The following NLGN4Y variants were observed in gnomAD, a reference collection of about 807,000 sequenced individuals.
The protein encoded by NLGN4Y is neuroligin 4 Y-linked, also known as neuroligin-4, Y-linked.
Under a neutral mutation model 8.4 loss-of-function variants are expected in NLGN4Y, and 4 were observed. That is an observed-to-expected ratio of 0.48 (90% CI 0.23 to 1.09). The LOEUF (loss-of-function observed/expected upper bound fraction) is 1.09. Among genes scored for constraint, NLGN4Y ranks in the 50% least tolerant of loss-of-function variants. NLGN4Y has a pLI of 0.19. For missense variants in NLGN4Y, 90 were observed against 192.3 expected (o/e 0.47, Z 3.15); for synonymous variants, 35 against 75.6 (o/e 0.46, Z 2.78).
chrY:14,621,935 T>C, intron 1 of NLGN4Y, 74 bp from the exon 2 acceptor site: 1 of 175,640 alleles, frequency 5.7e-6, no homozygotes, highest in Non-Finnish European at 1.1e-5. Context: ...GTGGATTTCA[T>C]GGAAGAGCCA....
At chrY:14,639,056 C>G in intron 2 of NLGN4Y, 1 of 65,185 alleles carries the variant, frequency 1.5e-5, no homozygotes, top group Non-Finnish European at 3.3e-5. Context: ...ACAGGAAAGG[C>G]AGAGCCACGC....
intron 2 of NLGN4Y, among the ~76,000 whole-genome samples, chrY:14,677,853 A>G (rs2080755008): frequency 3.1e-5 from 1 of 31,863 alleles, no homozygotes; most frequent in East Asian, 8.3e-4. Flanking sequence ...CCTTCCGAGT[A>G]TCTGGGAATA....
At chrY:14,615,793 G>A in intron 1 of NLGN4Y, among the ~76,000 whole-genome samples, 1 of 33,268 alleles carries the variant, frequency 3.0e-5, no homozygotes, top group African/African-American at 1.2e-4. Context: ...CAGGGATGAA[G>A]CCAACTAGAT....
At chrY:14,645,608 C>T in intron 2 of NLGN4Y, among the ~76,000 whole-genome samples, 1 of 33,260 alleles carries the variant, frequency 3.0e-5, no homozygotes, top group Non-Finnish European at 7.4e-5. Flanking sequence ...CTGAAGTGAC[C>T]TCTAAGACGA....
intron 1 of NLGN4Y, among the ~76,000 whole-genome samples, chrY:14,598,883 G>GTATA (rs756147894): frequency 0.021 from 281 of 13,521 alleles, no homozygotes; most frequent in East Asian, 0.071. Flanking sequence ...AATAGGAGAT[G>GTATA]TATATATATA....
chrY:14,670,271 A>G (rs1051352674), intron 2 of NLGN4Y, among the ~76,000 whole-genome samples: 1 of 34,359 alleles, frequency 2.9e-5, no homozygotes, highest in Non-Finnish European at 7.3e-5. Flanking sequence ...ACCAAAAAAT[A>G]GGGAAAAACT....
chrY:14,533,719 T>C (rs2080121705), intron 1 of NLGN4Y, among the ~76,000 whole-genome samples: 3 of 33,045 alleles, frequency 9.1e-5, no homozygotes, highest in African/African-American at 3.5e-4. Flanking sequence ...ACATGCATTA[T>C]GTATTTGTCC....
chrY:14,610,069 G>C, intron 1 of NLGN4Y, among the ~76,000 whole-genome samples: 2 of 33,235 alleles, frequency 6.0e-5, no homozygotes, highest in African/African-American at 1.2e-4. Flanking sequence ...TGTTTTTATT[G>C]TGTCTATTTG....
chrY:14,536,028 G>C (rs959131186), intron 1 of NLGN4Y, among the ~76,000 whole-genome samples: 7 of 32,673 alleles, frequency 2.1e-4, no homozygotes, highest in African/African-American at 8.3e-4. Context: ...TATGTGTCTA[G>C]ATATTTCACA....
intron 2 of NLGN4Y, among the ~76,000 whole-genome samples, chrY:14,715,214 G>T (rs2080911653): frequency 3.0e-5 from 1 of 33,412 alleles, no homozygotes; most frequent in African/African-American, 1.2e-4. Context: ...GGAAGACAGT[G>T]TGGCAATTCC....
intron 2 of NLGN4Y, among the ~76,000 whole-genome samples, chrY:14,699,404 G>T: frequency 1.5e-4 from 5 of 33,592 alleles, no homozygotes; most frequent in Non-Finnish European, 3.7e-4. Flanking sequence ...ATGACCTAAA[G>T]AAGCCAAAAG....
chrY:14,670,535 T>C (rs1320550241), intron 2 of NLGN4Y, among the ~76,000 whole-genome samples: 1 of 33,354 alleles, frequency 3.0e-5, no homozygotes, highest in Non-Finnish European at 7.4e-5. Context: ...AGGTAGAGTT[T>C]TAGAATTTGA....
At chrY:14,671,913 G>GT (rs77575472) in intron 2 of NLGN4Y, among the ~76,000 whole-genome samples, 3,817 of 33,092 alleles carry the variant, frequency 0.12, no homozygotes, top group East Asian at 0.84. Flanking sequence ...AAGACATATA[G>GT]TTAAACAAAT....
chrY:14,563,015 T>A, intron 1 of NLGN4Y, among the ~76,000 whole-genome samples: 1 of 33,734 alleles, frequency 3.0e-5, no homozygotes, highest in Non-Finnish European at 7.4e-5. Flanking sequence ...CTCCCTCTTT[T>A]CAAAGTTGAA....
intron 2 of NLGN4Y, among the ~76,000 whole-genome samples, chrY:14,665,724 G>C: frequency 3.0e-5 from 1 of 33,313 alleles, no homozygotes; most frequent in Non-Finnish European, 7.4e-5. Flanking sequence ...TGAGAACAGA[G>C]GCAACAGGGA....
intron 4 of NLGN4Y, among the ~76,000 whole-genome samples, chrY:14,819,524 C>T: frequency 9.1e-5 from 3 of 32,842 alleles, no homozygotes; most frequent in Admixed American, 8.3e-4. Flanking sequence ...AAATTCCCCT[C>T]CCCTGACAGC....
At chrY:14,651,721 G>A (rs2080630696) in intron 2 of NLGN4Y, among the ~76,000 whole-genome samples, 1 of 33,069 alleles carries the variant, frequency 3.0e-5, no homozygotes, top group Non-Finnish European at 7.5e-5. Context: ...AATGCTATTG[G>A]TACAAAATTT....
chrY:14,533,243 C>CT (rs759623993), intron 1 of NLGN4Y, among the ~76,000 whole-genome samples: 137 of 31,693 alleles, frequency 4.3e-3, no homozygotes, highest in Admixed American at 0.018. Flanking sequence ...ATTAGTGATC[C>CT]TTTTTTTTTA....
Position 14,531,516 on chromosome Y carries a change from AACTT to A in NLGN4Y, c.-112+6814_-112+6817del. Reference sequence around the variant, plus strand: ...CTGATGAAAGCCTTTATCACTTGCAAACTTACTTATACAAAATACAATTTATCTA... The same window carrying A: ...CTGATGAAAGCCTTTATCACTTGCAAACTTATACAAAATACAATTTATCTA... On this transcript the variant is annotated intron_variant, in intron 1 of 6. Transcript: ENST00000684976. 9.6e-5 allele frequency among the ~76,000 whole-genome samples: 3 copies of A among 31,355 alleles called. No individual in the cohort carries two copies. The East Asian group carries it at 2.5e-3, about 26-fold the overall frequency. The allele number at this position is 31,355 out of a possible 37,273, so 84.1% of individuals were successfully genotyped here. A position where few individuals can be genotyped will look rare whatever the true frequency, so the allele number is the denominator to read the frequency against.
Sources: allele counts gnomAD v4.1 joint callset (sites outside exome capture counted in the v4.1 genomes callset), GRCh38; gene constraint gnomAD v4.1.1; transcripts MANE v1.5; gene names NCBI Gene and HGNC (gene_info 2026-07-23, HGNC 2026-07-21).